CPNE5: variants seen among roughly 807,000 people sequenced by gnomAD.
CPNE5 encodes the protein copine-5.
Under a neutral mutation model 81.1 loss-of-function variants are expected in CPNE5, and 42 were observed. The ratio of observed to expected loss-of-function variants is 0.52; its 90% CI spans 0.40 to 0.67. The LOEUF (loss-of-function observed/expected upper bound fraction) is 0.67, where lower values mean the gene tolerates loss of function less well. CPNE5 is among the 30% of genes least tolerant of loss of function. The probability of loss-of-function intolerance (pLI) is 0.00; values close to 1 mark genes in which losing one functional copy is unlikely to be tolerated. For missense variants in CPNE5, 612 were observed against 815.5 expected (o/e 0.75, Z 3.04); for synonymous variants, 313 against 321.5 (o/e 0.97, Z 0.28).
chr6:36,750,248 A>G (rs937793497), intron 14 of CPNE5, among the ~76,000 whole-genome samples: 1 of 152,204 alleles, frequency 6.6e-6, no homozygotes, highest in Non-Finnish European at 1.5e-5. Flanking sequence ...CAGAAACCAC[A>G]GCTCTATCAG....
At chr6:36,752,382 T>G (rs564111372) in intron 14 of CPNE5, among the ~76,000 whole-genome samples, 1 of 152,180 alleles carries the variant, frequency 6.6e-6, no homozygotes, top group African/African-American at 2.4e-5. Context: ...CTAGACACTG[T>G]GCCTGGTGGT....
intron 11 of CPNE5, 24 bp downstream of exon 11, chr6:36,765,303 ACCTTCTCG>A: frequency 6.2e-7 from 1 of 1,611,758 alleles, no homozygotes; most frequent in South Asian, 1.1e-5. Flanking sequence ...ATCCCCACTC[ACCTTCTCG>A]CCCCTGCCCT....
At chr6:36,780,252 T>C (rs1206274231) in intron 8 of CPNE5, among the ~76,000 whole-genome samples, 4 of 152,284 alleles carry the variant, frequency 2.6e-5, no homozygotes, top group South Asian at 4.1e-4. Flanking sequence ...CGTGAGCCAC[T>C]GCACCTGGCC....
At chr6:36,814,285 A>G (rs1396165930) in intron 3 of CPNE5, among the ~76,000 whole-genome samples, 1 of 152,224 alleles carries the variant, frequency 6.6e-6, no homozygotes, top group Non-Finnish European at 1.5e-5. Context: ...GGTGAGGACT[A>G]CAGCTGACCC....
rs1439957382 is a variant in CPNE5 at position 36,775,207 on chromosome 6, T to A, written c.633-142A>T. Reference sequence around the variant, plus strand: ...GCTTCAAAAGGTGATGAGCTGCCCATCACTGACAGCAGCCAAGCTGATACT... The same window carrying A: ...GCTTCAAAAGGTGATGAGCTGCCCAACACTGACAGCAGCCAAGCTGATACT... On this transcript the variant is annotated intron_variant, in intron 9 of 20. Transcript: ENST00000244751. 45 of 655,264 alleles carry A rather than the reference T, an allele frequency of 6.9e-5. No individual in the cohort carries two copies. The East Asian group carries it at 1.2e-3, about 18-fold the overall frequency. The allele number at this position is 655,264 out of a possible 1,614,324, so 40.6% of individuals were successfully genotyped here.
At chr6:36,765,273 A>C in intron 11 of CPNE5, 62 bp downstream of exon 11, 4 of 1,552,896 alleles carry the variant, frequency 2.6e-6, no homozygotes, top group Non-Finnish European at 1.8e-6. Context: ...ATGGGAGGGC[A>C]GGGCCCAGTG....
intron 1 of CPNE5, chr6:36,827,372 G>A (rs1561827039): frequency 1.3e-5 from 13 of 985,336 alleles, no homozygotes; most frequent in South Asian, 4.7e-5. Context: ...AATGGGCCTC[G>A]CACTTCTGGG....
Position 36,781,781 on chromosome 6 carries a change from C to A in CPNE5, c.529-2824G>T, listed in dbSNP as rs536525565. ...GAGATTCAAGATAGTGACAGCAGAG[C>A]ATTAAACCAAGCACAGGTCCCCGTG... is the stretch of plus-strand genomic sequence containing the variant. On this transcript the variant is annotated intron_variant, in intron 8 of 20. Coordinates refer to ENST00000244751, the MANE Select transcript of CPNE5 (RefSeq NM_020939.2). Among the ~76,000 whole-genome samples the A allele has an allele frequency of 3.9e-5, 6 of 152,310 alleles. No individual in the cohort carries two copies. In the South Asian group the frequency reaches 1.2e-3, roughly 32 times the overall value.
chr6:36,790,689 T>G (rs557632636), intron 8 of CPNE5, among the ~76,000 whole-genome samples: 1 of 152,294 alleles, frequency 6.6e-6, no homozygotes, highest in East Asian at 1.9e-4. Flanking sequence ...CACTGCAGCC[T>G]CTGCCTGCCG....
intron 3 of CPNE5, among the ~76,000 whole-genome samples, chr6:36,814,286 C>T (rs183095154): frequency 2.1e-4 from 32 of 152,334 alleles, no homozygotes; most frequent in African/African-American, 7.7e-4. Context: ...GTGAGGACTA[C>T]AGCTGACCCA....
intron 20 of CPNE5, 144 bp from the exon 21 acceptor site, chr6:36,742,630 G>A (rs1029994193): frequency 1.4e-6 from 2 of 1,430,116 alleles, no homozygotes; most frequent in South Asian, 1.4e-5. Flanking sequence ...ATTACCTGAG[G>A]GACTGTATCC....
chr6:36,743,494 AG>A (rs1649067142), intron 20 of CPNE5, among the ~76,000 whole-genome samples, 194 bp downstream of exon 20: 1 of 152,158 alleles, frequency 6.6e-6, no homozygotes, highest in South Asian at 2.1e-4. Context: ...GATGTGACAG[AG>A]GGGGGCCCAG....
intron 1 of CPNE5, among the ~76,000 whole-genome samples, chr6:36,838,031 C>T (rs912756095): frequency 1.3e-5 from 2 of 152,118 alleles, no homozygotes; most frequent in African/African-American, 2.4e-5. Flanking sequence ...CCCAGAGGGC[C>T]TGGCTTAGGG....
chr6:36,790,017 T>G (rs1034654715), intron 8 of CPNE5, among the ~76,000 whole-genome samples: 2 of 152,224 alleles, frequency 1.3e-5, no homozygotes, highest in Non-Finnish European at 2.9e-5. Flanking sequence ...AAACAGAGTT[T>G]GTAACACCAC....
intron 3 of CPNE5, among the ~76,000 whole-genome samples, chr6:36,809,445 A>G (rs918809738): frequency 2.0e-5 from 3 of 152,080 alleles, no homozygotes; most frequent in African/African-American, 7.2e-5. Context: ...GCATGGAAGC[A>G]CACGTCTGTA....
At chr6:36,756,145 C>G in intron 13 of CPNE5, 100 bp downstream of exon 13, 1 of 890,928 alleles carries the variant, frequency 1.1e-6, no homozygotes, top group Non-Finnish European at 1.8e-6. Context: ...CCACGCTCAG[C>G]CCCTGCACAC....
chr6:36,772,654 C>G (rs1276088465), intron 10 of CPNE5, among the ~76,000 whole-genome samples: 2 of 152,190 alleles, frequency 1.3e-5, no homozygotes, highest in Non-Finnish European at 2.9e-5. Context: ...CAGACTGTGG[C>G]TCTTCTGTCC....
chr6:36,792,230 A>C, intron 7 of CPNE5, 134 bp from the exon 8 acceptor site: 1 of 1,240,460 alleles, frequency 8.1e-7, no homozygotes, highest in Non-Finnish European at 1.1e-6. Context: ...AGCCCCTGAG[A>C]AGACAGAGTC....
Position 36,791,932 on chromosome 6 carries a change from C to T in CPNE5, c.528+101G>A, listed in dbSNP as rs571291801. ...TGACAGCCAGGTCAGCATCAGGAGCCCTGTCTACCCTCGGTTCCCTCCAGG... is the reference window on the plus strand; with the variant it reads ...TGACAGCCAGGTCAGCATCAGGAGCTCTGTCTACCCTCGGTTCCCTCCAGG... On this transcript the variant is annotated intron_variant, in intron 8 of 20. Transcript: ENST00000244751. 3 of 1,004,902 alleles carry T rather than the reference C, an allele frequency of 3.0e-6. No individual in the cohort carries two copies. The African/African-American group carries it at 4.8e-5, about 16-fold the overall frequency. The allele number at this position is 1,004,902 out of a possible 1,614,324, so 62.2% of individuals were successfully genotyped here.
Sources: allele counts gnomAD v4.1 joint callset (sites outside exome capture counted in the v4.1 genomes callset), GRCh38; gene constraint gnomAD v4.1.1; transcripts MANE v1.5; gene names NCBI Gene and HGNC (gene_info 2026-07-23, HGNC 2026-07-21).